The following GRID2 variants were observed in gnomAD, a reference collection of about 807,000 sequenced individuals.
GRID2 encodes the protein glutamate ionotropic receptor delta type subunit 2.
Under a neutral mutation model 114.8 loss-of-function variants are expected in GRID2, and 33 were observed. That is an observed-to-expected ratio of 0.29 (90% CI 0.22 to 0.38). The LOEUF is 0.38. GRID2 is among the 10% of genes least tolerant of loss of function. The probability of loss-of-function intolerance (pLI) is 1.00; values close to 1 mark genes in which losing one functional copy is unlikely to be tolerated. For missense variants in GRID2, 1,184 were observed against 1,257.7 expected (o/e 0.94, Z 0.89); for synonymous variants, 505 against 449.9 (o/e 1.12, Z -1.55).
At chr4:92,922,491 C>A (rs530561532) in intron 2 of GRID2, among the ~76,000 whole-genome samples, 1 of 152,034 alleles carries the variant, frequency 6.6e-6, no homozygotes, top group Non-Finnish European at 1.5e-5. Flanking sequence ...TCTCCACCCC[C>A]CCAGAAACTG....
At chr4:93,632,728 A>G (rs1020878774) in intron 14 of GRID2, among the ~76,000 whole-genome samples, 8 of 152,028 alleles carry the variant, frequency 5.3e-5, no homozygotes, top group African/African-American at 1.7e-4. Context: ...ATGAACTTTC[A>G]AGTCGTTTTT....
intron 2 of GRID2, among the ~76,000 whole-genome samples, chr4:92,685,791 C>G (rs1257110960): frequency 6.6e-6 from 1 of 152,056 alleles, no homozygotes; most frequent in African/African-American, 2.4e-5. Context: ...CCTGTTCTAT[C>G]ATCCTGATTT....
At chr4:92,345,136 G>A (rs34742978) in intron 1 of GRID2, among the ~76,000 whole-genome samples, 9,512 of 152,102 alleles carry the variant, frequency 0.063, 360 homozygotes, top group Middle Eastern at 0.14. Flanking sequence ...AACATGTGAT[G>A]TTTGGTTTTC....
chr4:93,187,012 T>C (rs1740487877), intron 4 of GRID2, among the ~76,000 whole-genome samples: 3 of 152,196 alleles, frequency 2.0e-5, no homozygotes, highest in Admixed American at 6.6e-5. Flanking sequence ...TGTCCTCACA[T>C]GGTGCAAGGG....
At chr4:92,375,602 T>C (rs1454787479) in intron 1 of GRID2, among the ~76,000 whole-genome samples, 2 of 152,160 alleles carry the variant, frequency 1.3e-5, no homozygotes, top group African/African-American at 4.8e-5. Context: ...AGAAACTGTT[T>C]AATGCCAGTA....
chr4:93,375,199 T>G (rs1763260376), intron 8 of GRID2, among the ~76,000 whole-genome samples: 1 of 149,756 alleles, frequency 6.7e-6, no homozygotes, highest in African/African-American at 2.5e-5. Flanking sequence ...TCCATGGGAG[T>G]TTTTCTTTTT....
chr4:93,155,900 A>G (rs1553998044), intron 4 of GRID2, among the ~76,000 whole-genome samples: 1 of 151,762 alleles, frequency 6.6e-6, no homozygotes, highest in Non-Finnish European at 1.5e-5. Context: ...AAGATCTAGT[A>G]TATGATAGCA....
At chr4:93,704,258 A>G (rs1213320496) in intron 14 of GRID2, among the ~76,000 whole-genome samples, 1 of 152,042 alleles carries the variant, frequency 6.6e-6, no homozygotes, top group African/African-American at 2.4e-5. Flanking sequence ...GATGATGAGC[A>G]TTTTTTCATG....
chr4:93,398,048 A>G (rs939659324), intron 9 of GRID2, among the ~76,000 whole-genome samples: 3 of 150,736 alleles, frequency 2.0e-5, no homozygotes, highest in African/African-American at 7.4e-5. Flanking sequence ...TGTCCTCACA[A>G]TATTCTCAAG....
At chr4:92,403,432 T>A (rs1730879987) in intron 1 of GRID2, among the ~76,000 whole-genome samples, 1 of 151,986 alleles carries the variant, frequency 6.6e-6, no homozygotes, top group Non-Finnish European at 1.5e-5. Context: ...GCATGGTGGC[T>A]CATGCTTGTA....
chr4:92,600,049 T>TAA lies in GRID2; in HGVS notation c.244+9764_244+9765insAA, dbSNP rs1421508190. 3.0e-3 allele frequency among the ~76,000 whole-genome samples: 146 copies of TAA among 48,184 alleles called. 3 individuals are homozygous for TAA. The highest frequency in any genetic ancestry group is 0.02 in the Middle Eastern group (2 of 100). The allele number at this position is 48,184 out of a possible 152,430, so 31.6% of individuals were successfully genotyped here. A position where few individuals can be genotyped will look rare whatever the true frequency, so the allele number is the denominator to read the frequency against. The stretch of plus-strand genomic sequence containing the variant: ...ATGTGTGTGTGTGTGTGTGTGTATA[T>TAA]ATATATATATATATATATATATATA... On this transcript the variant is annotated intron_variant, in intron 2 of 15. Transcript: ENST00000282020.
intron 1 of GRID2, among the ~76,000 whole-genome samples, chr4:92,313,955 T>G (rs1418023126): frequency 6.6e-6 from 1 of 152,110 alleles, no homozygotes; most frequent in East Asian, 1.9e-4. Flanking sequence ...TGGGCATTGG[T>G]ATATATATGT....
intron 13 of GRID2, among the ~76,000 whole-genome samples, chr4:93,541,589 C>G (rs1191415160): frequency 6.9e-6 from 1 of 145,420 alleles, no homozygotes; most frequent in Non-Finnish European, 1.5e-5. Flanking sequence ...ATATTTCAAA[C>G]ATTTTGTAGT....
intron 12 of GRID2, among the ~76,000 whole-genome samples, chr4:93,500,672 T>C (rs780787316): frequency 2.6e-5 from 4 of 152,002 alleles, no homozygotes; most frequent in Non-Finnish European, 5.9e-5. Context: ...GCAAGCCTTA[T>C]CTGAATTTAG....
At chr4:93,169,466 C>G (rs1034182433) in intron 4 of GRID2, among the ~76,000 whole-genome samples, 1 of 152,050 alleles carries the variant, frequency 6.6e-6, no homozygotes, top group Non-Finnish European at 1.5e-5. Flanking sequence ...CAAATTAGCC[C>G]TAATGTATTC....
rs369390376 is a variant in GRID2 at position 93,354,044 on chromosome 4, T to C, written c.1246-41563T>C. Among the ~76,000 whole-genome samples the C allele has an allele frequency of 3.8e-3, 514 of 135,466 alleles. 2 individuals are homozygous for C. The highest frequency in any genetic ancestry group is 6.6e-3 in the Admixed American group (90 of 13,670). The allele number at this position is 135,466 out of a possible 152,430, so 88.9% of individuals were successfully genotyped here. ...ACATGCACACACACACACACACACA[T>C]ATGCCAGACACTGTATTAAGTAATT... On this transcript the variant is annotated intron_variant, in intron 8 of 15. Transcript: ENST00000282020.
chr4:92,442,593 C>T (rs1733169526), intron 1 of GRID2, among the ~76,000 whole-genome samples: 1 of 151,930 alleles, frequency 6.6e-6, no homozygotes, highest in Non-Finnish European at 1.5e-5. Flanking sequence ...TAATTAAATC[C>T]TGTTGTGGGG....
intron 8 of GRID2, among the ~76,000 whole-genome samples, chr4:93,360,436 T>C (rs1761784088): frequency 1.3e-5 from 2 of 152,022 alleles, no homozygotes; most frequent in South Asian, 4.1e-4. Flanking sequence ...CAATTTGGCT[T>C]TACCCCATAG....
At chr4:92,312,452 G>A (rs557930344) in intron 1 of GRID2, among the ~76,000 whole-genome samples, 42 of 152,034 alleles carry the variant, frequency 2.8e-4, no homozygotes, top group Admixed American at 2.2e-3. Flanking sequence ...TGTGAAGATC[G>A]GAAAAACAGG....
Sources: gnomAD v4.1 joint callset for allele counts (sites outside exome capture counted in the v4.1 genomes callset) on GRCh38, gnomAD v4.1.1 for gene constraint, MANE v1.5 for transcripts, NCBI Gene and HGNC (gene_info 2026-07-23, HGNC 2026-07-21) for gene names.